DLC1: variants seen among roughly 807,000 people sequenced by gnomAD.
DLC1 encodes DLC1 Rho GTPase activating protein.
In DLC1, 54 loss-of-function variants were observed where a neutral mutation model predicts 140.3. The ratio of observed to expected loss-of-function variants is 0.38; its 90% CI spans 0.31 to 0.48. The LOEUF (loss-of-function observed/expected upper bound fraction) is 0.48. Ranked by LOEUF, DLC1 falls within the 20% of genes least tolerant of loss-of-function variation. DLC1 has a pLI of 0.96. For synonymous variants in DLC1, 986 were observed against 728.1 expected, an observed-to-expected ratio of 1.35 and a Z score of -5.70; for missense variants, 2,536 against 1,907.0, an observed-to-expected ratio of 1.33 and a Z score of -6.14.
rs1491502803 is a variant in DLC1 at position 13,496,785 on chromosome 8, C to CTTTTTTTTTTTTTTTTTTTTTT, written c.1023+2263_1023+2264insAAAAAAAAAAAAAAAAAAAAAA. 2.9e-3 allele frequency among the ~76,000 whole-genome samples: 25 copies of CTTTTTTTTTTTTTTTTTTTTTT among 8,644 alleles called. 6 individuals are homozygous for CTTTTTTTTTTTTTTTTTTTTTT. The highest frequency in any genetic ancestry group is 6.7e-3 in the East Asian group (9 of 1,346). 5.7% of individuals were successfully genotyped at this position (8,644 alleles called of 152,430 possible). Reference sequence around the variant, plus strand: ...TAATTAACAAATTCTTAGACCATTTCCTTTTTTTTTTTTTTTTTTTTTTTT... The same window carrying CTTTTTTTTTTTTTTTTTTTTTT: ...TAATTAACAAATTCTTAGACCATTTCTTTTTTTTTTTTTTTTTTTTTTCTTTTTTTTTTTTTTTTTTTTTTTT... On this transcript the variant is annotated intron_variant, in intron 2 of 17. Transcript: ENST00000276297.
At chr8:13,189,579 C>G (rs55658130) in intron 5 of DLC1, among the ~76,000 whole-genome samples, 1 of 151,346 alleles carries the variant, frequency 6.6e-6, no homozygotes, top group Non-Finnish European at 1.5e-5. Flanking sequence ...GTGATTAGCA[C>G]GGAGAGAAAA....
intron 1 of DLC1, among the ~76,000 whole-genome samples, chr8:13,526,786 A>G (rs6530640): frequency 0.95 from 144,652 of 151,836 alleles, 69,322 homozygotes; most frequent in East Asian, 1. Context: ...GTTGGGGGAC[A>G]GGGGAGGGAT....
rs187965026 is a variant in DLC1, at chr8:13,494,206, A to G, written c.1023+4843T>C. Among the ~76,000 whole-genome samples, 22 of 152,358 alleles carry G rather than the reference A, an allele frequency of 1.4e-4. No individual in the cohort carries two copies. The East Asian group carries it at 4.2e-3, about 29-fold the overall frequency. ...TTTCTTTCACAACGTGTCATGATATATTGGAATATATTTATGTTAGAGTGT... is the reference window on the plus strand; with the variant it reads ...TTTCTTTCACAACGTGTCATGATATGTTGGAATATATTTATGTTAGAGTGT... On this transcript the variant is annotated intron_variant, in intron 2 of 17. Coordinates refer to ENST00000276297, the MANE Select transcript of DLC1 (RefSeq NM_182643.3).
intron 6 of DLC1, among the ~76,000 whole-genome samples, chr8:13,112,490 A>C (rs1820198976): frequency 6.6e-6 from 1 of 152,200 alleles, no homozygotes. Context: ...GGAAGTGGCT[A>C]TAGTCCAGAG....
intron 2 of DLC1, among the ~76,000 whole-genome samples, chr8:13,486,309 C>CAT (rs1211599487): frequency 5.9e-5 from 9 of 152,164 alleles, no homozygotes; most frequent in African/African-American, 1.7e-4. Flanking sequence ...TTTTTGTCAG[C>CAT]ATATACCTGA....
intron 2 of DLC1, among the ~76,000 whole-genome samples, chr8:13,478,944 T>G (rs2117106091): frequency 6.6e-6 from 1 of 152,348 alleles, no homozygotes; most frequent in Non-Finnish European, 1.5e-5. Flanking sequence ...AAATGTCAGT[T>G]TTCTTCTGGT....
At chr8:13,316,078 G>T (rs1053662031) in intron 4 of DLC1, among the ~76,000 whole-genome samples, 1 of 152,156 alleles carries the variant, frequency 6.6e-6, no homozygotes, top group African/African-American at 2.4e-5. Flanking sequence ...AGAACAGCAC[G>T]CAGGTTGCGC....
intron 5 of DLC1, among the ~76,000 whole-genome samples, chr8:13,184,462 T>A (rs1237525880): frequency 6.6e-6 from 1 of 152,258 alleles, no homozygotes; most frequent in Non-Finnish European, 1.5e-5. Flanking sequence ...CTCTACACTC[T>A]GCTTTAAATG....
chr8:13,173,175 C>A (rs1171039682), intron 5 of DLC1, among the ~76,000 whole-genome samples: 1 of 152,056 alleles, frequency 6.6e-6, no homozygotes, highest in Non-Finnish European at 1.5e-5. Context: ...TTTTAAAGTT[C>A]CCCATGAGAG....
At chr8:13,236,892 G>A (rs892366425) in intron 5 of DLC1, among the ~76,000 whole-genome samples, 1 of 152,022 alleles carries the variant, frequency 6.6e-6, no homozygotes, top group Non-Finnish European at 1.5e-5. Context: ...CCAGGAATCT[G>A]GAGGAAAGAG....
chr8:13,595,207 G>A (rs1805645160), intron 1 of DLC1, among the ~76,000 whole-genome samples: 1 of 151,898 alleles, frequency 6.6e-6, no homozygotes, highest in Non-Finnish European at 1.5e-5. Flanking sequence ...CCAAATGAAA[G>A]GCACATTTAA....
intron 2 of DLC1, among the ~76,000 whole-genome samples, chr8:13,468,363 C>CCTCCA: frequency 8.1e-6 from 1 of 123,780 alleles, no homozygotes; most frequent in Non-Finnish European, 1.8e-5. Flanking sequence ...CCTCCCCTCC[C>CCTCCA]CTCCCCTCTC....
Position 13,199,177 on chromosome 8 carries a change from CTTTTTT to C in DLC1, c.1349-83526_1349-83521del, listed in dbSNP as rs71207132. On this transcript the variant is annotated intron_variant, in intron 5 of 17. Coordinates refer to ENST00000276297, the MANE Select transcript of DLC1 (RefSeq NM_182643.3). The stretch of plus-strand genomic sequence containing the variant: ...CTAGTAAATGTCTCCTTCTCTTTTT[CTTTTTT>C]TTTTTTTTTTTTTTTTTTTGAGACA... Among the ~76,000 whole-genome samples, 927 of 93,300 alleles carry C rather than the reference CTTTTTT, an allele frequency of 9.9e-3. 8 individuals carry two copies. The highest frequency in any genetic ancestry group is 0.028 in the African/African-American group (654 of 23,622). The allele number at this position is 93,300 out of a possible 152,430, so 61.2% of individuals were successfully genotyped here. A position where few individuals can be genotyped will look rare whatever the true frequency, so the allele number is the denominator to read the frequency against.
intron 5 of DLC1, among the ~76,000 whole-genome samples, chr8:13,218,317 G>A (rs1308791878): frequency 6.6e-6 from 1 of 152,108 alleles, no homozygotes; most frequent in East Asian, 1.9e-4. Context: ...AAATGTCCAT[G>A]ATACTGAATT....
chr8:13,152,552 A>G (rs774665727), intron 5 of DLC1, among the ~76,000 whole-genome samples: 8 of 152,280 alleles, frequency 5.3e-5, no homozygotes, highest in East Asian at 1.9e-4. Context: ...CCATTCAAAT[A>G]TAAGTTTTTA....
intron 1 of DLC1, among the ~76,000 whole-genome samples, chr8:13,582,172 A>T (rs1390169697): frequency 2.6e-5 from 4 of 152,152 alleles, no homozygotes; most frequent in Non-Finnish European, 5.9e-5. Flanking sequence ...AACGGTTGGG[A>T]TATGGTAATG....
intron 2 of DLC1, among the ~76,000 whole-genome samples, chr8:13,472,137 C>T (rs1016149902): frequency 2.0e-5 from 3 of 152,182 alleles, no homozygotes; most frequent in African/African-American, 7.2e-5. Context: ...TCTCAAATAA[C>T]AAGCGCCAAC....
chr8:13,318,088 T>C (rs991562738), intron 4 of DLC1, among the ~76,000 whole-genome samples: 8 of 152,172 alleles, frequency 5.3e-5, no homozygotes, highest in South Asian at 4.1e-4. Flanking sequence ...AGTGCAGTGG[T>C]ATGATCATAG....
chr8:13,161,940 G>A (rs1469764883), intron 5 of DLC1, among the ~76,000 whole-genome samples: 1 of 152,192 alleles, frequency 6.6e-6, no homozygotes, highest in African/African-American at 2.4e-5. Flanking sequence ...TAAAATATAG[G>A]TAGAGGCTTT....
Sources: allele counts gnomAD v4.1 joint callset (sites outside exome capture counted in the v4.1 genomes callset), GRCh38; gene constraint gnomAD v4.1.1; transcripts MANE v1.5; gene names NCBI Gene and HGNC (gene_info 2026-07-23, HGNC 2026-07-21).